Variants in FAT3 observed in about 807,000 individuals in gnomAD.
The protein encoded by FAT3 is protocadherin Fat 3.
Under a neutral mutation model 310.2 loss-of-function variants are expected in FAT3, and 95 were observed. The ratio of observed to expected loss-of-function variants is 0.31; its 90% CI spans 0.26 to 0.36. The LOEUF is 0.36. FAT3 is among the 10% of genes least tolerant of loss of function. The pLI, the probability that FAT3 is intolerant of heterozygous loss-of-function variation, is 1.00. For synonymous variants in FAT3, 2,314 were observed against 2,192.9 expected, an observed-to-expected ratio of 1.06 and a Z score of -1.54; for missense variants, 5,408 against 5,715.6, an observed-to-expected ratio of 0.95 and a Z score of 1.74.
intron 7 of FAT3, among the ~76,000 whole-genome samples, chr11:92,776,902 T>C (rs1591717932): frequency 6.6e-6 from 1 of 152,160 alleles, no homozygotes; most frequent in South Asian, 2.1e-4. Context: ...CCTGACCACC[T>C]CACCAGCCCC....
At chr11:92,579,707 A>G (rs1368690537) in intron 3 of FAT3, among the ~76,000 whole-genome samples, 2 of 152,112 alleles carry the variant, frequency 1.3e-5, no homozygotes, top group Non-Finnish European at 2.9e-5. Context: ...ACTATTTTTC[A>G]TAGCTCCAGA....
At chr11:92,247,725 G>GT (rs139681837) in intron 1 of FAT3, among the ~76,000 whole-genome samples, 229 of 141,714 alleles carry the variant, frequency 1.6e-3, no homozygotes, top group Middle Eastern at 3.7e-3. Context: ...AGGTTCACCT[G>GT]TTTTTTTTTT....
chr11:92,841,659 C>T (rs573822013), intron 18 of FAT3, among the ~76,000 whole-genome samples: 9 of 152,336 alleles, frequency 5.9e-5, no homozygotes, highest in African/African-American at 2.2e-4. Flanking sequence ...TGCCTTCTCA[C>T]AGAAACTAGG....
Position 92,512,129 on chromosome 11 carries a change from A to G in FAT3, c.3293-12505A>G, listed in dbSNP as rs1172755777. 2.0e-5 allele frequency among the ~76,000 whole-genome samples: 3 copies of G among 152,258 alleles called. No homozygotes were observed. In the East Asian group the frequency reaches 5.8e-4, roughly 29 times the overall value. On this transcript the variant is annotated intron_variant, in intron 2 of 27. Transcript: ENST00000525166. Reference sequence around the variant, plus strand: ...GCTGGGCAATTCACTTAAAATCCCCAATTTAAAAAAAGTGCATTGAAGTAT... The same window carrying G: ...GCTGGGCAATTCACTTAAAATCCCCGATTTAAAAAAAGTGCATTGAAGTAT...
chr11:92,564,938 A>T (rs1955374427), intron 3 of FAT3, among the ~76,000 whole-genome samples: 3 of 143,408 alleles, frequency 2.1e-5, no homozygotes, highest in Admixed American at 7.3e-5. Context: ...AAAGCAGGAA[A>T]GATCCAAAAT....
At chr11:92,684,131 A>G (rs1943563918) in intron 3 of FAT3, among the ~76,000 whole-genome samples, 1 of 152,208 alleles carries the variant, frequency 6.6e-6, no homozygotes, top group Admixed American at 6.5e-5. Context: ...TGAATTTTTC[A>G]GAGTGCGAAC....
intron 2 of FAT3, among the ~76,000 whole-genome samples, chr11:92,439,397 A>G (rs1449568136): frequency 1.3e-5 from 2 of 152,146 alleles, no homozygotes; most frequent in Non-Finnish European, 2.9e-5. Context: ...AAAAATTCCT[A>G]AGGAAGCATC....
In FAT3 at chr11:92,331,425, A is replaced by G. The variant is rs532095925; in HGVS notation, c.-17-20671A>G. 2.9e-4 allele frequency among the ~76,000 whole-genome samples: 44 copies of G among 152,360 alleles called. No individual in the cohort carries two copies. In the South Asian group the frequency reaches 8.5e-3, roughly 29 times the overall value. On this transcript the variant is annotated intron_variant, in intron 1 of 27. Transcript: ENST00000525166. ...TTAACAAAATAAAGGCTTGTGGCAGAAGCACATGAAATGCAGATAATGGTA... is the reference window on the plus strand; with the variant it reads ...TTAACAAAATAAAGGCTTGTGGCAGGAGCACATGAAATGCAGATAATGGTA...
Position 92,834,984 on chromosome 11 carries a change from T to G in FAT3, c.9986T>G (p.Ile3329Ser). ...PALSAVATVN[I>S]NLTDVNDNPP... ...CTCAGCGCTGTGGCCACTGTCAACA[T>G]CAACCTCACAGATGTTAATGACAAC... is the stretch of plus-strand genomic sequence containing the variant. Residue 3329 changes from isoleucine (I) to serine (S), a missense_variant, in exon 15 of 28, where the codon ATC becomes AGC. Transcript: ENST00000525166. 1 of 1,613,674 alleles carries G rather than the reference T, an allele frequency of 6.2e-7. No individual in the cohort carries two copies. The highest frequency in any genetic ancestry group is 8.5e-7 in the Non-Finnish European group (1 of 1,179,766).
intron 13 of FAT3, among the ~76,000 whole-genome samples, chr11:92,828,472 A>G (rs887276535): frequency 6.6e-6 from 1 of 152,054 alleles, no homozygotes; most frequent in Admixed American, 6.6e-5. Context: ...GGTCTCCCCC[A>G]CCCCTTTCTG....
intron 13 of FAT3, among the ~76,000 whole-genome samples, chr11:92,821,320 A>T (rs773627562): frequency 6.6e-6 from 1 of 152,200 alleles, no homozygotes; most frequent in Non-Finnish European, 1.5e-5. Context: ...CTACAAGAAA[A>T]TGTTTTGAAA....
intron 1 of FAT3, among the ~76,000 whole-genome samples, chr11:92,228,441 T>G (rs886440144): frequency 1.3e-5 from 2 of 152,210 alleles, no homozygotes; most frequent in Admixed American, 6.5e-5. Flanking sequence ...ACGGTTATTT[T>G]GCTAGCCCAC....
intron 2 of FAT3, among the ~76,000 whole-genome samples, chr11:92,361,685 G>A (rs1212104405): frequency 4.0e-5 from 6 of 151,582 alleles, no homozygotes; most frequent in Admixed American, 1.3e-4. Flanking sequence ...TTTTTTTATA[G>A]CAACTTAAAC....
rs550993243 is a variant in FAT3, at chr11:92,329,625, T to C, written c.-17-22471T>C. On this transcript the variant is annotated intron_variant, in intron 1 of 27. Transcript: ENST00000525166. ...ATCTTTTTATAGAATTTTTTTTTTC[T>C]CTTTGTGAAGACACACTACTGTGAA... Among the ~76,000 whole-genome samples, 11 of 105,184 alleles carry C rather than the reference T, an allele frequency of 1.0e-4. No homozygotes were observed. In the South Asian group the frequency reaches 3.2e-3, roughly 31 times the overall value. 69.0% of individuals were successfully genotyped at this position (105,184 alleles called of 152,430 possible). A position where few individuals can be genotyped will look rare whatever the true frequency, so the allele number is the denominator to read the frequency against.
Position 92,891,231 on chromosome 11 carries a change from A to C in FAT3, c.*118A>C, listed in dbSNP as rs150389073. The C allele has an allele frequency of 8.3e-6, 11 of 1,325,488 alleles. No individual in the cohort carries two copies. Among genetic ancestry groups the C allele is most frequent in the Non-Finnish European group, 2.0e-6 (2 of 978,062 alleles). 82.1% of individuals were successfully genotyped at this position (1,325,488 alleles called of 1,614,324 possible). A position where few individuals can be genotyped will look rare whatever the true frequency, so the allele number is the denominator to read the frequency against. On this transcript the variant is annotated 3_prime_UTR_variant, in exon 28 of 28. Transcript: ENST00000525166. ...TGAGAAGGGAATACTGTATTTTTCCACTAGAAACTTCTTCACAAGTCATAC... is the reference window on the plus strand; with the variant it reads ...TGAGAAGGGAATACTGTATTTTTCCCCTAGAAACTTCTTCACAAGTCATAC...
intron 2 of FAT3, among the ~76,000 whole-genome samples, chr11:92,368,005 A>G (rs1168763621): frequency 6.6e-6 from 1 of 152,236 alleles, no homozygotes; most frequent in African/African-American, 2.4e-5. Flanking sequence ...AGAACAAGGA[A>G]AACAATCACA....
chr11:92,604,209 G>C (rs1940167403), intron 3 of FAT3, among the ~76,000 whole-genome samples: 1 of 152,196 alleles, frequency 6.6e-6, no homozygotes, highest in African/African-American at 2.4e-5. Context: ...CTGCTGAGCA[G>C]ATAGCAAAAT....
chr11:92,310,907 G>GTA (rs1332962298), intron 1 of FAT3, among the ~76,000 whole-genome samples: 1 of 151,026 alleles, frequency 6.6e-6, no homozygotes, highest in African/African-American at 2.4e-5. Context: ...TTGAGCGTAG[G>GTA]GTACAACCAG....
At chr11:92,836,879 T>C (rs985149859) in intron 16 of FAT3, among the ~76,000 whole-genome samples, 176 bp downstream of exon 16, 1 of 152,186 alleles carries the variant, frequency 6.6e-6, no homozygotes, top group African/African-American at 2.4e-5. Flanking sequence ...TAGAATTTTC[T>C]ACCTATAATA....
Sources: gnomAD v4.1 joint callset for allele counts (sites outside exome capture counted in the v4.1 genomes callset) on GRCh38, gnomAD v4.1.1 for gene constraint, MANE v1.5 for transcripts, NCBI Gene and HGNC (gene_info 2026-07-23, HGNC 2026-07-21) for gene names.